Variants in CDK12 observed in about 807,000 individuals in gnomAD.
CDK12 encodes cyclin-dependent kinase 12.
In CDK12, 17 loss-of-function variants were observed where a neutral mutation model predicts 133.8. The observed-to-expected ratio is 0.13, with a 90% CI of 0.09 to 0.19. The LOEUF (loss-of-function observed/expected upper bound fraction) is 0.19, where lower values mean the gene tolerates loss of function less well. Ranked by LOEUF, CDK12 falls within the 10% of genes least tolerant of loss-of-function variation. The probability of loss-of-function intolerance (pLI) is 1.00; values close to 1 mark genes in which losing one functional copy is unlikely to be tolerated. For synonymous variants in CDK12, 694 were observed against 683.6 expected, an observed-to-expected ratio of 1.02 and a Z score of -0.24; for missense variants, 1,508 against 1,818.7, an observed-to-expected ratio of 0.83 and a Z score of 3.11.
rs2144880225 is a variant in CDK12, at chr17:39,462,523, C to T, written c.452C>T (p.Ser151Leu). 6.2e-7 allele frequency: 1 copy of T among 1,614,090 alleles called. No individual in the cohort carries two copies. Among genetic ancestry groups the T allele is most frequent in the Non-Finnish European group, 8.5e-7 (1 of 1,180,024 alleles). ...ATGAAGGACCGGATATCGGGAAGTT[C>T]AAAGCGTTCGAATGAGGAGACTGAT... ...GSMKDRISGS[S>L]KRSNEETDDY... The change falls in exon 1 of 14, where the codon TCA becomes TTA. Residue 151 changes from serine to leucine, a missense_variant. Coordinates refer to ENST00000447079, the MANE Select transcript of CDK12 (RefSeq NM_016507.4).
chr17:39,463,157 G>A, intron 1 of CDK12, 40 bp downstream of exon 1: 1 of 1,559,872 alleles, frequency 6.4e-7, no homozygotes. Flanking sequence ...ATTTAGGGTG[G>A]GTTGCGAGGA....
chr17:39,498,261 G>C (rs1485526559), intron 5 of CDK12, among the ~76,000 whole-genome samples: 1 of 151,546 alleles, frequency 6.6e-6, no homozygotes, highest in Non-Finnish European at 1.5e-5. Context: ...GTCTCACTCA[G>C]TTGCCCAGGC....
rs2049019050 is a variant in CDK12, at chr17:39,462,386, C to T, written c.315C>T (p.Ser105=). The part of the protein sequence containing the change: ...ENDERRGSDR[S]DRLHKHRHHQ... ...ACGAACGTCGTGGATCAGATCGGAG[C>T]GACCGCCTGCACAAACATCGTCACC... Residue 105 remains serine (S), a synonymous_variant, in exon 1 of 14, where the codon AGC becomes AGT. Coordinates refer to ENST00000447079, the MANE Select transcript of CDK12 (RefSeq NM_016507.4). 4.3e-6 allele frequency: 7 copies of T among 1,614,006 alleles called. No individual in the cohort carries two copies. Among genetic ancestry groups the T allele is most frequent in the Non-Finnish European group, 4.2e-6 (5 of 1,180,036 alleles).
chr17:39,515,922 GTT>G, intron 9 of CDK12, 114 bp downstream of exon 9: 1 of 641,750 alleles, frequency 1.6e-6, no homozygotes. Flanking sequence ...GTCCAAGTAA[GTT>G]TCTCTTTACT....
chr17:39,559,760 G>A (rs1284864730), intron 3 of CDK12, among the ~76,000 whole-genome samples: 1 of 150,990 alleles, frequency 6.6e-6, no homozygotes, highest in African/African-American at 2.4e-5. Flanking sequence ...GATCTCTTGA[G>A]CCTGAGCGGC....
At chr17:39,491,402 A>G (rs2051590078) in intron 3 of CDK12, among the ~76,000 whole-genome samples, 2 of 151,764 alleles carry the variant, frequency 1.3e-5, no homozygotes, top group Admixed American at 1.3e-4. Flanking sequence ...ACGCCAGGCT[A>G]ATTTTTGTAT....
rs141020897 is a variant in CDK12, at chr17:39,461,869, C to T, written c.-203C>T. The T allele has an allele frequency of 4.9e-3, 2,864 of 589,410 alleles. 39 individuals carry two copies. The highest frequency in any genetic ancestry group is 0.024 in the South Asian group (1,139 of 47,088). The allele number at this position is 589,410 out of a possible 1,614,324, so 36.5% of individuals were successfully genotyped here. ...ACTGCCGAGGAACTCTCATTTCTTC[C>T]CTCGCTCCTTCACCCCCCACCTCAT... On this transcript the variant is annotated 5_prime_UTR_variant, in exon 1 of 14. Coordinates refer to ENST00000447079, the MANE Select transcript of CDK12 (RefSeq NM_016507.4).
At chr17:39,517,667 T>C (rs2303315) in intron 10 of CDK12, 111 bp downstream of exon 10, 2 of 653,196 alleles carry the variant, frequency 3.1e-6, no homozygotes, top group Non-Finnish European at 5.5e-6. Context: ...GGCAACACAG[T>C]GTAGGAAAAC....
chr17:39,525,833 G>A (rs370108581), intron 12 of CDK12, 31 bp from the exon 13 acceptor site: 20 of 1,581,052 alleles, frequency 1.3e-5, no homozygotes, highest in African/African-American at 9.4e-5. Flanking sequence ...CTATCTCATC[G>A]TCTTATATTG....
intron 2 of CDK12, among the ~76,000 whole-genome samples, chr17:39,554,270 C>G (rs1052842496): frequency 1.3e-5 from 2 of 152,202 alleles, no homozygotes; most frequent in African/African-American, 4.8e-5. Flanking sequence ...ACTGCTGGGT[C>G]TCAGTCCTCT....
chr17:39,535,475 T>C (rs1260570108), downstream of CDK12, among the ~76,000 whole-genome samples: 1 of 152,184 alleles, frequency 6.6e-6, no homozygotes, highest in African/African-American at 2.4e-5. Flanking sequence ...TCAAGATTGT[T>C]CCAATTTCTG....
intron 2 of CDK12, among the ~76,000 whole-genome samples, chr17:39,478,745 A>G (rs1294788348): frequency 1.3e-5 from 2 of 152,106 alleles, no homozygotes; most frequent in Admixed American, 1.3e-4. Context: ...TGATTACTGG[A>G]GCCTGGAAGG....
intron 5 of CDK12, among the ~76,000 whole-genome samples, chr17:39,498,104 G>T (rs1444708671): frequency 6.6e-6 from 1 of 151,404 alleles, no homozygotes; most frequent in Non-Finnish European, 1.5e-5. Context: ...TGGGTTCAAG[G>T]GATCCCCCTG....
chr17:39,497,868 G>C (rs1339540432), intron 5 of CDK12, among the ~76,000 whole-genome samples: 1 of 151,990 alleles, frequency 6.6e-6, no homozygotes, highest in Non-Finnish European at 1.5e-5. Flanking sequence ...GCCTCCTAAA[G>C]TGCTGGGATT....
chr17:39,493,174 T>TC (rs1567726367), intron 4 of CDK12, among the ~76,000 whole-genome samples: 1 of 150,762 alleles, frequency 6.6e-6, no homozygotes, highest in East Asian at 2.0e-4. Flanking sequence ...TTGTTTTTTT[T>TC]TTTTTTTTAG....
chr17:39,516,729 C>G (rs931435334), intron 9 of CDK12, among the ~76,000 whole-genome samples: 3 of 138,692 alleles, frequency 2.2e-5, no homozygotes, highest in Admixed American at 1.6e-4. Flanking sequence ...GTGGCGTGAT[C>G]TTGGCTCACT....
chr17:39,544,051 T>G, upstream of CDK12: 1 of 291,136 alleles, frequency 3.4e-6, no homozygotes, highest in Non-Finnish European at 7.2e-6. Context: ...TTTAGAACAG[T>G]TATGACTCTC....
In CDK12 at chr17:39,563,861, A is replaced by G. The variant is rs149118139; in HGVS notation, n.485-899A>G. Among the ~76,000 whole-genome samples the G allele has an allele frequency of 9.2e-3, 1,399 of 152,276 alleles. 15 individuals carry two copies. Among genetic ancestry groups the G allele is most frequent in the Non-Finnish European group, 0.015 (1,000 of 68,008 alleles). On this transcript the variant is annotated intron_variant and non_coding_transcript_variant, in intron 3 of 3. Coordinates refer to the CDK12 transcript ENST00000558240. The stretch of plus-strand genomic sequence containing the variant: ...TTCTTCTAACACTCTGCTTGTGGTC[A>G]TATTAGAAAAACAGATTATGCCCCT...
At chr17:39,481,668 C>T (rs1597983300) in intron 2 of CDK12, among the ~76,000 whole-genome samples, 1 of 23,818 alleles carries the variant, frequency 4.2e-5, no homozygotes, top group African/African-American at 1.2e-4. Flanking sequence ...CTCTCTCTCT[C>T]TCTCTCTCTC....
Sources: gnomAD v4.1 joint callset for allele counts (sites outside exome capture counted in the v4.1 genomes callset) on GRCh38, gnomAD v4.1.1 for gene constraint, MANE v1.5 for transcripts, NCBI Gene and HGNC (gene_info 2026-07-23, HGNC 2026-07-21) for gene names.